HORMAD2: variants seen among roughly 807,000 people sequenced by gnomAD.
HORMAD2 encodes HORMA domain containing 2.
Under a neutral mutation model 38.8 loss-of-function variants are expected in HORMAD2, and 45 were observed. The ratio of observed to expected loss-of-function variants is 1.16; its 90% CI spans 0.91 to 1.49. HORMAD2 has a LOEUF of 1.49. Ranked by LOEUF, HORMAD2 falls within the 40% of genes most tolerant of loss-of-function variation. The pLI is 0.00. For synonymous variants in HORMAD2, 126 were observed against 122.8 expected (o/e 1.03, Z -0.17); for missense variants, 338 against 367.0 (o/e 0.92, Z 0.65).
At chr22:30,104,508 A>G in intron 5 of HORMAD2, 71 bp downstream of exon 5, 4 of 1,319,532 alleles carry the variant, frequency 3.0e-6, no homozygotes, top group South Asian at 1.3e-5. Flanking sequence ...GAAATTAGAC[A>G]TTTATTTTGT....
intron 10 of HORMAD2, among the ~76,000 whole-genome samples, chr22:30,139,152 A>C (rs1923877937): frequency 6.6e-6 from 1 of 150,652 alleles, no homozygotes. Flanking sequence ...CCTGGGTCTC[A>C]TGCCTGCTGG....
At chr22:30,188,791 G>T in the HORMAD2 span, among the ~76,000 whole-genome samples, 5 of 152,032 alleles carry the variant, frequency 3.3e-5, no homozygotes, top group African/African-American at 9.7e-5. Flanking sequence ...ACAGTCACTA[G>T]TCTTAGGTCC....
chr22:30,090,094 G>T (rs2068655551), intron 1 of HORMAD2, among the ~76,000 whole-genome samples: 1 of 152,184 alleles, frequency 6.6e-6, no homozygotes. Context: ...CGGGTGTGGT[G>T]GCTCATGCCT....
chr22:30,082,274 C>T (rs368580746), intron 1 of HORMAD2, among the ~76,000 whole-genome samples: 16 of 152,108 alleles, frequency 1.1e-4, no homozygotes, highest in Non-Finnish European at 1.5e-4. Flanking sequence ...TTGTAAAAAA[C>T]GGTTTTTGAA....
intron 10 of HORMAD2, among the ~76,000 whole-genome samples, chr22:30,130,451 G>A (rs972785450): frequency 6.6e-6 from 1 of 152,010 alleles, no homozygotes; most frequent in Non-Finnish European, 1.5e-5. Flanking sequence ...AAAATAGAAC[G>A]TTGGAATTGT....
intron 6 of HORMAD2, 68 bp downstream of exon 6, chr22:30,111,884 T>C: frequency 1.6e-6 from 2 of 1,242,268 alleles, no homozygotes; most frequent in Non-Finnish European, 2.2e-6. Context: ...AAGTGAAACA[T>C]TAAAACAGTA....
At position 30,169,492 on chromosome 22, in the gene HORMAD2, C is replaced by T. The variant is rs139004530; in HGVS notation, c.820-6571C>T. Among the ~76,000 whole-genome samples, 440 of 152,308 alleles carry T rather than the reference C, an allele frequency of 2.9e-3. 3 individuals carry two copies. Among genetic ancestry groups the T allele is most frequent in the Middle Eastern group, 0.01 (3 of 294 alleles). The stretch of plus-strand genomic sequence containing the variant: ...TCTGATTATGAGCCTAAGAAGAATA[C>T]ACATTTACCTCCTAAGTAGAGATAG... On this transcript the variant is annotated intron_variant, in intron 10 of 10. Coordinates refer to ENST00000336726, the MANE Select transcript of HORMAD2 (RefSeq NM_152510.4).
intron 3 of HORMAD2, among the ~76,000 whole-genome samples, chr22:30,101,204 C>T (rs575295552): frequency 1.3e-5 from 2 of 152,218 alleles, no homozygotes; most frequent in East Asian, 1.9e-4. Context: ...CAATGATAGA[C>T]TGGATAAAGA....
At chr22:30,087,604 A>T (rs1371052363) in intron 1 of HORMAD2, among the ~76,000 whole-genome samples, 4 of 152,156 alleles carry the variant, frequency 2.6e-5, no homozygotes, top group Non-Finnish European at 4.4e-5. Flanking sequence ...GGCTGTACAG[A>T]AAGCATGGTA....
chr22:30,175,859 G>C (rs1926422984), intron 10 of HORMAD2, among the ~76,000 whole-genome samples: 1 of 152,154 alleles, frequency 6.6e-6, no homozygotes, highest in South Asian at 2.1e-4. Flanking sequence ...GCCTCCAAGG[G>C]ACCTCAGCTC....
chr22:30,112,765 T>A (rs1755536704), intron 7 of HORMAD2, among the ~76,000 whole-genome samples: 1 of 152,144 alleles, frequency 6.6e-6, no homozygotes, highest in Admixed American at 6.5e-5. Context: ...TTCCCTAACC[T>A]GTTGGCATTA....
At position 30,127,592 on chromosome 22, in the gene HORMAD2, C is replaced by T. The variant is rs144471856; in HGVS notation, c.819+5378C>T. ...TCCTGAGTTCAAGCCATCTGCTGGC[C>T]TTGGCCTCCTCAAGTGCTGGGATTA... On this transcript the variant is annotated intron_variant, in intron 10 of 10. Coordinates refer to ENST00000336726, the MANE Select transcript of HORMAD2 (RefSeq NM_152510.4). Among the ~76,000 whole-genome samples, 719 of 152,320 alleles carry T rather than the reference C, an allele frequency of 4.7e-3. 8 individuals carry two copies. Among genetic ancestry groups the T allele is most frequent in the African/African-American group, 0.016 (681 of 41,578 alleles).
intron 10 of HORMAD2, among the ~76,000 whole-genome samples, chr22:30,124,931 G>A (rs1601545386): frequency 6.6e-6 from 1 of 152,082 alleles, no homozygotes; most frequent in African/African-American, 2.4e-5. Flanking sequence ...CTTATTGTCA[G>A]GGTTTATGTT....
At chr22:30,201,145 TC>T in the HORMAD2 span, among the ~76,000 whole-genome samples, 1 of 152,168 alleles carries the variant, frequency 6.6e-6, no homozygotes, top group Non-Finnish European at 1.5e-5. Context: ...GAGAATCTGT[TC>T]GATGCCTCTC....
At chr22:30,168,712 G>T (rs1243762825) in intron 10 of HORMAD2, among the ~76,000 whole-genome samples, 1 of 152,040 alleles carries the variant, frequency 6.6e-6, no homozygotes, top group Non-Finnish European at 1.5e-5. Context: ...CACTCATTCT[G>T]TCTCTCCTGA....
chr22:30,138,707 A>G (rs1487756895), intron 10 of HORMAD2, among the ~76,000 whole-genome samples: 1 of 152,142 alleles, frequency 6.6e-6, no homozygotes, highest in Admixed American at 6.5e-5. Flanking sequence ...TACTGTTCAT[A>G]ATAGTATGTG....
intron 5 of HORMAD2, among the ~76,000 whole-genome samples, chr22:30,107,154 C>T (rs867575363): frequency 6.6e-5 from 10 of 152,162 alleles, no homozygotes; most frequent in South Asian, 2.1e-4. Flanking sequence ...AATGTGATTC[C>T]ACTCCCAGGG....
At chr22:30,193,455 C>A in the HORMAD2 span, among the ~76,000 whole-genome samples, 3 of 152,120 alleles carry the variant, frequency 2.0e-5, no homozygotes, top group African/African-American at 7.2e-5. Flanking sequence ...ATCATTAAAC[C>A]TTGTGAAAGG....
At chr22:30,099,360 G>A (rs1920928858) in intron 3 of HORMAD2, among the ~76,000 whole-genome samples, 1 of 152,144 alleles carries the variant, frequency 6.6e-6, no homozygotes, top group African/African-American at 2.4e-5. Context: ...AAAGGAACCA[G>A]GTGAAAAACT....
Sources: gnomAD v4.1 joint callset for allele counts (sites outside exome capture counted in the v4.1 genomes callset) on GRCh38, gnomAD v4.1.1 for gene constraint, MANE v1.5 for transcripts, NCBI Gene and HGNC (gene_info 2026-07-23, HGNC 2026-07-21) for gene names.